LIMS1: variants seen among roughly 807,000 people sequenced by gnomAD.
LIMS1 encodes LIM and senescent cell antigen-like-containing domain protein 1.
A neutral mutation model predicts 44.1 loss-of-function variants in LIMS1; 18 were observed. That is an observed-to-expected ratio of 0.41 (90% CI 0.28 to 0.61). LIMS1 has a LOEUF of 0.61. LIMS1 is among the 20% of genes least tolerant of loss of function. The pLI is 0.32. For synonymous variants in LIMS1, 93 were observed against 149.1 expected (o/e 0.62, Z 2.74); for missense variants, 201 against 422.0 (o/e 0.48, Z 4.59).
chr2:108,680,365 C>CAAA lies in LIMS1; in HGVS notation c.824-310_824-308dup, dbSNP rs35982119. Among the ~76,000 whole-genome samples the CAAA allele has an allele frequency of 1.1e-3, 72 of 68,142 alleles. 1 individual carries two copies. Among genetic ancestry groups the CAAA allele is most frequent in the African/African-American group, 3.5e-3 (60 of 17,078 alleles). 44.7% of individuals were successfully genotyped at this position (68,142 alleles called of 152,430 possible). A position where few individuals can be genotyped will look rare whatever the true frequency, so the allele number is the denominator to read the frequency against. On this transcript the variant is annotated intron_variant, in intron 8 of 9. Coordinates refer to ENST00000544547, the Ensembl canonical transcript of LIMS1. The stretch of plus-strand genomic sequence containing the variant: ...CTGGCAACAGAGCGAGATTCCGTCT[C>CAAA]AAAAAAAAAAAAAAAAAAAAAATTA...
chr2:108,677,559 CT>C (rs1448789798), intron 7 of LIMS1: 1 of 181,554 alleles, frequency 5.5e-6, no homozygotes, highest in African/African-American at 2.4e-5. Context: ...CCTCATCAAC[CT>C]GCCCTAGATT....
chr2:108,631,970 T>A (rs1273496200), intron 1 of LIMS1, among the ~76,000 whole-genome samples: 1 of 152,146 alleles, frequency 6.6e-6, no homozygotes, highest in Non-Finnish European at 1.5e-5. Context: ...ATAGGTACTT[T>A]CGTGTTTGTT....
chr2:108,597,128 C>T (rs1294012449), intron 1 of LIMS1, among the ~76,000 whole-genome samples: 1 of 151,638 alleles, frequency 6.6e-6, no homozygotes, highest in African/African-American at 2.4e-5. Context: ...AGGCTGATCT[C>T]GAACTCCTGA....
At chr2:108,651,156 T>C (rs1690456075) in intron 1 of LIMS1, among the ~76,000 whole-genome samples, 1 of 152,166 alleles carries the variant, frequency 6.6e-6, no homozygotes, top group African/African-American at 2.4e-5. Context: ...GGAGGACATG[T>C]CTGAGCCTCC....
At chr2:108,574,279 A>G (rs1685589757) in intron 1 of LIMS1, among the ~76,000 whole-genome samples, 1 of 152,212 alleles carries the variant, frequency 6.6e-6, no homozygotes, top group Admixed American at 6.5e-5. Flanking sequence ...AGAAGAGATT[A>G]AAGCTTTGGG....
At chr2:108,538,165 T>G (rs1162311530) in intron 1 of LIMS1, among the ~76,000 whole-genome samples, 4 of 152,228 alleles carry the variant, frequency 2.6e-5, no homozygotes, top group Non-Finnish European at 5.9e-5. Flanking sequence ...AAAACTTTAA[T>G]TTTAAGACAC....
chr2:108,614,349 A>G (rs188336882), intron 1 of LIMS1, among the ~76,000 whole-genome samples: 115 of 152,238 alleles, frequency 7.6e-4, no homozygotes, highest in African/African-American at 2.7e-3. Context: ...GTCCTGGTAG[A>G]CACTCTTCCA....
intron 1 of LIMS1, among the ~76,000 whole-genome samples, chr2:108,618,995 C>T (rs532714334): frequency 1.0e-4 from 14 of 135,430 alleles, no homozygotes; most frequent in Non-Finnish European, 1.8e-4. Flanking sequence ...TGTTTCAGCT[C>T]GTTTGTTTTA....
At chr2:108,651,451 G>T (rs1206332164) in intron 1 of LIMS1, among the ~76,000 whole-genome samples, 2 of 152,166 alleles carry the variant, frequency 1.3e-5, no homozygotes, top group African/African-American at 4.8e-5. Flanking sequence ...AGGAGAGAAT[G>T]AGATCTAGCA....
At chr2:108,616,080 A>G (rs1160055581) in intron 1 of LIMS1, among the ~76,000 whole-genome samples, 1 of 151,282 alleles carries the variant, frequency 6.6e-6, no homozygotes, top group Non-Finnish European at 1.5e-5. Flanking sequence ...TGCATATTGT[A>G]TCAGTGGCTT....
At chr2:108,565,593 C>G (rs981086904) in intron 1 of LIMS1, among the ~76,000 whole-genome samples, 1 of 152,072 alleles carries the variant, frequency 6.6e-6, no homozygotes, top group Non-Finnish European at 1.5e-5. Context: ...AATTGTTTTC[C>G]TTAATCTTAT....
intron 1 of LIMS1, chr2:108,659,156 G>A (rs1412050633): frequency 1.0e-6 from 1 of 978,870 alleles, no homozygotes; most frequent in Non-Finnish European, 1.2e-6. Flanking sequence ...TAGGTTATAT[G>A]ACATGGCATT....
chr2:108,624,347 T>C (rs567743857), intron 1 of LIMS1, among the ~76,000 whole-genome samples: 8 of 152,236 alleles, frequency 5.3e-5, no homozygotes, highest in Non-Finnish European at 1.2e-4. Context: ...ATTCCTGCCC[T>C]TTAAAAATTC....
At chr2:108,557,237 C>G (rs1320865481) in intron 1 of LIMS1, among the ~76,000 whole-genome samples, 2 of 152,066 alleles carry the variant, frequency 1.3e-5, no homozygotes, top group Non-Finnish European at 2.9e-5. Context: ...ACTACCGTGC[C>G]TGGCTAATTT....
intron 1 of LIMS1, among the ~76,000 whole-genome samples, chr2:108,628,211 G>A (rs1030567267): frequency 6.6e-6 from 1 of 152,244 alleles, no homozygotes; most frequent in Non-Finnish European, 1.5e-5. Context: ...TTTGACAGCA[G>A]TAATACTTTC....
chr2:108,632,879 G>C (rs1291356718), intron 1 of LIMS1, among the ~76,000 whole-genome samples: 1 of 152,160 alleles, frequency 6.6e-6, no homozygotes, highest in Non-Finnish European at 1.5e-5. Flanking sequence ...CAGGCAATCT[G>C]TACCTGCATA....
intron 1 of LIMS1, among the ~76,000 whole-genome samples, chr2:108,630,615 A>T (rs1297898775): frequency 6.8e-6 from 1 of 146,920 alleles, no homozygotes; most frequent in Non-Finnish European, 1.5e-5. Context: ...CTAACACATT[A>T]TACTTTTTCA....
chr2:108,538,672 T>C (rs1417317647), intron 1 of LIMS1, among the ~76,000 whole-genome samples: 1 of 152,230 alleles, frequency 6.6e-6, no homozygotes, highest in Non-Finnish European at 1.5e-5. Flanking sequence ...GTCATACTAT[T>C]CTGCAATTGC....
At chr2:108,662,283 C>T (rs1316713178) in intron 2 of LIMS1, 3 of 1,612,068 alleles carry the variant, frequency 1.9e-6, no homozygotes, top group East Asian at 2.2e-5. Context: ...GCTTCCTGAG[C>T]TCCTGCTGCC....
Sources: gnomAD v4.1 joint callset for allele counts (sites outside exome capture counted in the v4.1 genomes callset) on GRCh38, gnomAD v4.1.1 for gene constraint, MANE v1.5 for transcripts, NCBI Gene and HGNC (gene_info 2026-07-23, HGNC 2026-07-21) for gene names.